The following IGSF11 variants were observed in gnomAD, a reference collection of about 807,000 sequenced individuals.
IGSF11 encodes the protein CXADR like 1.
IGSF11 carries 22 observed loss-of-function variants against 41.0 expected under a neutral mutation model. The ratio of observed to expected loss-of-function variants is 0.54; its 90% CI spans 0.38 to 0.77. The LOEUF (loss-of-function observed/expected upper bound fraction) is 0.77. Ranked by LOEUF, IGSF11 falls within the 30% of genes least tolerant of loss-of-function variation. IGSF11 has a pLI of 0.00. For missense variants in IGSF11, 444 were observed against 530.8 expected (o/e 0.84, Z 1.61); for synonymous variants, 219 against 201.3 (o/e 1.09, Z -0.74).
At chr3:119,018,207 C>G (rs1490786655) in intron 1 of IGSF11, among the ~76,000 whole-genome samples, 1 of 152,100 alleles carries the variant, frequency 6.6e-6, no homozygotes, top group Non-Finnish European at 1.5e-5. Context: ...AAGGCATCAG[C>G]AAGGCAGAGA....
chr3:118,984,134 T>C (rs1935019348), intron 1 of IGSF11, among the ~76,000 whole-genome samples: 1 of 151,696 alleles, frequency 6.6e-6, no homozygotes, highest in Non-Finnish European at 1.5e-5. Flanking sequence ...TCAAACTCAG[T>C]CTTATAGCCA....
At position 119,001,588 on chromosome 3, in the gene IGSF11, A is replaced by C. The variant is rs542229741; in HGVS notation, c.52+32943T>G. ...TGCACCCACTAACTCGTCATCTAGC[A>C]TTAGGTATATCTCCCAATGCTATCC... is the stretch of plus-strand genomic sequence containing the variant. On this transcript the variant is annotated intron_variant, in intron 1 of 6. Transcript: ENST00000393775. Among the ~76,000 whole-genome samples the C allele has an allele frequency of 2.8e-5, 4 of 140,928 alleles. No homozygotes were observed. In the East Asian group the frequency reaches 8.7e-4, roughly 31 times the overall value. 92.5% of individuals were successfully genotyped at this position (140,928 alleles called of 152,430 possible). A position where few individuals can be genotyped will look rare whatever the true frequency, so the allele number is the denominator to read the frequency against.
chr3:119,079,230 G>A (rs1212322743), intron 1 of IGSF11, among the ~76,000 whole-genome samples: 4 of 152,006 alleles, frequency 2.6e-5, no homozygotes, highest in East Asian at 1.9e-4. Flanking sequence ...GTGGTGGTGG[G>A]TGCCTGTAAT....
At chr3:118,974,704 T>A (rs1933866499) in intron 1 of IGSF11, among the ~76,000 whole-genome samples, 2 of 152,188 alleles carry the variant, frequency 1.3e-5, no homozygotes. Context: ...TCCTTCCTCC[T>A]TTTCTCCAAA....
chr3:118,946,446 TA>T (rs151177743), intron 1 of IGSF11, among the ~76,000 whole-genome samples: 251 of 143,080 alleles, frequency 1.8e-3, no homozygotes, highest in Admixed American at 1.9e-3. Flanking sequence ...CTATTTTACT[TA>T]AAAAAAAAAA....
At chr3:119,108,373 G>T (rs1010456294), upstream of IGSF11, among the ~76,000 whole-genome samples, 9 of 123,750 alleles carry the variant, frequency 7.3e-5, no homozygotes, top group Non-Finnish European at 1.6e-4. Flanking sequence ...GTTCACTCAT[G>T]ATTTGGCTCT....
intron 1 of IGSF11, among the ~76,000 whole-genome samples, chr3:118,989,040 C>G (rs564463248): frequency 6.6e-6 from 1 of 152,286 alleles, no homozygotes; most frequent in East Asian, 1.9e-4. Flanking sequence ...AAGACCAATG[C>G]TACCCTTAAT....
chr3:119,024,672 C>CT (rs972269419), intron 1 of IGSF11, among the ~76,000 whole-genome samples: 2 of 151,136 alleles, frequency 1.3e-5, no homozygotes, highest in African/African-American at 4.9e-5. Context: ...CTAAAACTTG[C>CT]TTTTTTTTTA....
chr3:119,137,322 C>T (rs781185756), intron 1 of IGSF11, among the ~76,000 whole-genome samples: 13 of 152,104 alleles, frequency 8.5e-5, no homozygotes, highest in Admixed American at 6.5e-4. Context: ...TCAAATTATA[C>T]TAAAGATCTA....
chr3:118,981,280 C>G (rs1377103996), intron 1 of IGSF11, among the ~76,000 whole-genome samples: 1 of 152,162 alleles, frequency 6.6e-6, no homozygotes, highest in Non-Finnish European at 1.5e-5. Context: ...AGCAATTCTC[C>G]TGCTTCAGCC....
chr3:119,046,677 C>G (rs929723331), intron 1 of IGSF11, among the ~76,000 whole-genome samples: 1 of 151,898 alleles, frequency 6.6e-6, no homozygotes, highest in African/African-American at 2.4e-5. Context: ...AGAGCAACTC[C>G]AAGACACATA....
At chr3:119,126,593 A>G (rs2077407881) in intron 1 of IGSF11, among the ~76,000 whole-genome samples, 1 of 152,162 alleles carries the variant, frequency 6.6e-6, no homozygotes, top group South Asian at 2.1e-4. Context: ...GGGTTGTCAG[A>G]TACTCTATAT....
intron 1 of IGSF11, among the ~76,000 whole-genome samples, chr3:119,085,976 A>G (rs2076664925): frequency 6.6e-6 from 1 of 152,256 alleles, no homozygotes; most frequent in African/African-American, 2.4e-5. Context: ...GCCCTGTTAC[A>G]GAGTTTTTGT....
intron 1 of IGSF11, among the ~76,000 whole-genome samples, chr3:119,098,793 A>T (rs1036444651): frequency 2.0e-5 from 3 of 152,240 alleles, no homozygotes; most frequent in Non-Finnish European, 2.9e-5. Context: ...GCCTGAGTCA[A>T]TTATGAATCT....
chr3:119,111,772 G>A (rs1360755994), intron 1 of IGSF11, among the ~76,000 whole-genome samples: 1 of 152,174 alleles, frequency 6.6e-6, no homozygotes, highest in African/African-American at 2.4e-5. Flanking sequence ...GGTTTTTGGT[G>A]TGGATGTTCT....
At chr3:118,922,729 T>A (rs1211993000) in intron 4 of IGSF11, among the ~76,000 whole-genome samples, 1 of 152,106 alleles carries the variant, frequency 6.6e-6, no homozygotes, top group Non-Finnish European at 1.5e-5. Context: ...AATTTATTTC[T>A]CATAGTTCTG....
intron 1 of IGSF11, among the ~76,000 whole-genome samples, chr3:119,122,110 T>A (rs189241224): frequency 6.6e-6 from 1 of 152,202 alleles, no homozygotes; most frequent in African/African-American, 2.4e-5. Flanking sequence ...AAGCACCACA[T>A]AGTACCTGAT....
intron 1 of IGSF11, among the ~76,000 whole-genome samples, chr3:118,935,391 C>CACACAT (rs556005068): frequency 1.5e-5 from 2 of 132,424 alleles, no homozygotes; most frequent in Admixed American, 1.6e-4. Context: ...CACACACACA[C>CACACAT]ACACATACAC....
chr3:119,116,258 T>C (rs1048675123), intron 1 of IGSF11, among the ~76,000 whole-genome samples: 1 of 152,278 alleles, frequency 6.6e-6, no homozygotes, highest in African/African-American at 2.4e-5. Context: ...ATATGCTCTT[T>C]TTTTTTCCTG....
Sources: allele counts gnomAD v4.1 joint callset (sites outside exome capture counted in the v4.1 genomes callset), GRCh38; gene constraint gnomAD v4.1.1; transcripts MANE v1.5; gene names NCBI Gene and HGNC (gene_info 2026-07-23, HGNC 2026-07-21).